Variants in RGPD2 observed in about 807,000 individuals in gnomAD.
The protein encoded by RGPD2 is RANBP2-like and GRIP domain-containing protein 2.
In RGPD2, 2 loss-of-function variants were observed where a neutral mutation model predicts 36.0. That is an observed-to-expected ratio of 0.06 (90% CI 0.02 to 0.17). RGPD2 has a LOEUF of 0.17. Among genes scored for constraint, RGPD2 ranks in the 10% least tolerant of loss-of-function variants. RGPD2 has a pLI of 1.00. For missense variants in RGPD2, 40 were observed against 464.3 expected, an observed-to-expected ratio of 0.09 and a Z score of 8.40; for synonymous variants, 19 against 163.8, an observed-to-expected ratio of 0.12 and a Z score of 6.75.
At chr2:87,785,391 C>G (rs1483887745) in intron 18 of RGPD2, among the ~76,000 whole-genome samples, 5 of 103,964 alleles carry the variant, frequency 4.8e-5, no homozygotes, top group African/African-American at 1.7e-4. Context: ...AGAATAGCAT[C>G]GCTGTGATCA....
the RGPD2 span, among the ~76,000 whole-genome samples, chr2:87,853,374 C>T: frequency 6.6e-6 from 1 of 152,292 alleles, no homozygotes; most frequent in African/African-American, 2.4e-5. Context: ...CTGTGTGTGC[C>T]ACCACCCCTG....
the RGPD2 span, among the ~76,000 whole-genome samples, chr2:87,892,630 C>T: frequency 2.0e-5 from 3 of 148,940 alleles, no homozygotes; most frequent in Non-Finnish European, 4.5e-5. Flanking sequence ...TTATGAATGT[C>T]TCATTTTAAC....
the RGPD2 span, among the ~76,000 whole-genome samples, chr2:87,976,535 A>G: frequency 1.4e-4 from 22 of 151,780 alleles, no homozygotes; most frequent in Non-Finnish European, 5.9e-5. Context: ...AAGAGTGAAG[A>G]TAATATTGCA....
chr2:87,903,418 C>T, the RGPD2 span, among the ~76,000 whole-genome samples: 152 of 152,382 alleles, frequency 1.0e-3, no homozygotes, highest in African/African-American at 3.5e-3. Flanking sequence ...GTTTCTTACT[C>T]GTCTCTAGGC....
At chr2:87,988,178 G>T in the RGPD2 span, among the ~76,000 whole-genome samples, 1 of 138,496 alleles carries the variant, frequency 7.2e-6, no homozygotes, top group Non-Finnish European at 1.6e-5. Flanking sequence ...ACCTACGTTT[G>T]TTGGCAAATC....
chr2:87,827,581 C>T (rs1305541642), upstream of RGPD2, among the ~76,000 whole-genome samples: 6 of 115,958 alleles, frequency 5.2e-5, no homozygotes, highest in South Asian at 2.1e-3. Context: ...TAAATCCTGG[C>T]TTCATATATT....
At chr2:87,805,392 GAAAA>G (rs1685899020) in intron 7 of RGPD2, among the ~76,000 whole-genome samples, 1 of 65,548 alleles carries the variant, frequency 1.5e-5, no homozygotes, top group Admixed American at 1.9e-4. Context: ...GTCTCAAAAA[GAAAA>G]AAAGATTTAT....
At chr2:87,971,617 A>G in the RGPD2 span, among the ~76,000 whole-genome samples, 20 of 147,326 alleles carry the variant, frequency 1.4e-4, no homozygotes, top group Non-Finnish European at 1.5e-5. Context: ...CTTTATGAAT[A>G]GACTGTGATC....
At chr2:87,967,468 A>T in the RGPD2 span, among the ~76,000 whole-genome samples, 2 of 150,186 alleles carry the variant, frequency 1.3e-5, no homozygotes, top group African/African-American at 5.1e-5. Flanking sequence ...TCTGATAATT[A>T]TTAATTATCT....
chr2:87,919,682 T>C, the RGPD2 span, among the ~76,000 whole-genome samples: 6 of 144,000 alleles, frequency 4.2e-5, no homozygotes, highest in East Asian at 1.2e-3. Context: ...GCATATATAA[T>C]AGAGAAGTAG....
intron 7 of RGPD2, among the ~76,000 whole-genome samples, chr2:87,805,858 T>G (rs1685933076): frequency 8.7e-6 from 1 of 114,306 alleles, no homozygotes. Context: ...AGACTCCGTC[T>G]CAAAAAAAAA....
At chr2:87,966,217 G>T in the RGPD2 span, among the ~76,000 whole-genome samples, 26 of 152,336 alleles carry the variant, frequency 1.7e-4, no homozygotes, top group South Asian at 2.5e-3. Flanking sequence ...GGTCTCCAGA[G>T]CTGTATATGC....
At chr2:87,875,010 C>A in the RGPD2 span, among the ~76,000 whole-genome samples, 32 of 152,162 alleles carry the variant, frequency 2.1e-4, no homozygotes, top group African/African-American at 7.5e-4. Flanking sequence ...TCTTTGCTTG[C>A]CTGTTGTTGG....
chr2:87,776,511 TAATTA>T (rs1685268428), intron 20 of RGPD2, among the ~76,000 whole-genome samples: 1 of 150,852 alleles, frequency 6.6e-6, no homozygotes, highest in South Asian at 2.1e-4. Context: ...AGAGTAATAG[TAATTA>T]AATAAGACAG....
chr2:87,922,027 C>A, the RGPD2 span, among the ~76,000 whole-genome samples: 5,765 of 150,056 alleles, frequency 0.038, 339 homozygotes, highest in African/African-American at 0.14. Flanking sequence ...GGCACGGTGG[C>A]TCACGCCTGT....
the RGPD2 span, among the ~76,000 whole-genome samples, chr2:87,883,728 A>C: frequency 2.6e-5 from 4 of 152,104 alleles, no homozygotes; most frequent in African/African-American, 9.6e-5. Flanking sequence ...ACAGTTAATG[A>C]CAAAGTGGTA....
At chr2:87,971,435 A>ATATATATAATATGAATATTATATAAG in the RGPD2 span, among the ~76,000 whole-genome samples, 1 of 38,996 alleles carries the variant, frequency 2.6e-5, no homozygotes, top group African/African-American at 7.2e-5. Context: ...TTATAGACAT[A>ATATATATAATATGAATATTATATAAG]TATATATAAT....
chr2:87,956,497 C>A, the RGPD2 span, among the ~76,000 whole-genome samples: 2 of 122,882 alleles, frequency 1.6e-5, no homozygotes, highest in African/African-American at 2.9e-5. Flanking sequence ...AATTAAGAAA[C>A]CTTTATTCCA....
At chr2:87,866,717 G>A in the RGPD2 span, among the ~76,000 whole-genome samples, 301 of 152,214 alleles carry the variant, frequency 2.0e-3, no homozygotes, top group Admixed American at 4.4e-3. Context: ...GCACATGTGG[G>A]GCGAGGGGTA....
Sources: gnomAD v4.1 joint callset for allele counts (sites outside exome capture counted in the v4.1 genomes callset) on GRCh38, gnomAD v4.1.1 for gene constraint, MANE v1.5 for transcripts, NCBI Gene and HGNC (gene_info 2026-07-23, HGNC 2026-07-21) for gene names.